Variants in IFNG-AS1 observed in about 807,000 individuals in gnomAD.
IFNG-AS1 encodes the protein IFNG antisense RNA 1 (non-protein coding).
chr12:68,006,922 C>A (rs1172572954), intron 3 of IFNG-AS1, among the ~76,000 whole-genome samples: 1 of 152,196 alleles, frequency 6.6e-6, no homozygotes, highest in Admixed American at 6.5e-5. Flanking sequence ...ACTCCTGACC[C>A]ATGGAAACTG....
chr12:68,001,114 TACAA>T lies in IFNG-AS1; in HGVS notation n.185-4972_185-4969del, dbSNP rs140347471. On this transcript the variant is annotated intron_variant and non_coding_transcript_variant, in intron 2 of 5. Coordinates refer to ENST00000536914, the Ensembl canonical transcript of IFNG-AS1. ...ACACACATATATACTTGCACATACA[TACAA>T]ACACACATATAATGTATACATATGT... Among the ~76,000 whole-genome samples the T allele has an allele frequency of 4.7e-3, 720 of 152,278 alleles. 7 individuals are homozygous for T. The highest frequency in any genetic ancestry group is 0.017 in the African/African-American group (687 of 41,546).
At chr12:67,995,105 C>G (rs186729990) in intron 1 of IFNG-AS1, among the ~76,000 whole-genome samples, 1 of 152,218 alleles carries the variant, frequency 6.6e-6, no homozygotes, top group Non-Finnish European at 1.5e-5. Context: ...TTGGACCAGG[C>G]TTTTGAGAGA....
At chr12:68,004,930 G>A (rs1879872795) in intron 2 of IFNG-AS1, among the ~76,000 whole-genome samples, 1 of 152,136 alleles carries the variant, frequency 6.6e-6, no homozygotes, top group Non-Finnish European at 1.5e-5. Context: ...GGCACAGAAG[G>A]ATAAACATCC....
chr12:68,008,991 A>G (rs1343141664), intron 3 of IFNG-AS1, among the ~76,000 whole-genome samples: 1 of 152,216 alleles, frequency 6.6e-6, no homozygotes, highest in African/African-American at 2.4e-5. Flanking sequence ...TCACAGTTGA[A>G]AATACAACTT....
chr12:68,003,081 T>C (rs911749673), intron 2 of IFNG-AS1, among the ~76,000 whole-genome samples: 1 of 152,254 alleles, frequency 6.6e-6, no homozygotes, highest in Admixed American at 6.5e-5. Flanking sequence ...ATAATAGTAC[T>C]AGATATAATT....
chr12:68,005,402 A>G (rs1378150210), intron 2 of IFNG-AS1, among the ~76,000 whole-genome samples: 2 of 152,214 alleles, frequency 1.3e-5, no homozygotes, highest in Non-Finnish European at 2.9e-5. Flanking sequence ...ACGTGCATAC[A>G]CATGCACACA....
At chr12:67,991,725 G>A (rs1398624874) in intron 1 of IFNG-AS1, among the ~76,000 whole-genome samples, 2 of 152,188 alleles carry the variant, frequency 1.3e-5, no homozygotes, top group Non-Finnish European at 2.9e-5. Flanking sequence ...CTGCAACTAT[G>A]CCCTCACATG....
At chr12:68,012,894 T>C (rs1880066749) in intron 3 of IFNG-AS1, among the ~76,000 whole-genome samples, 1 of 152,222 alleles carries the variant, frequency 6.6e-6, no homozygotes, top group Admixed American at 6.5e-5. Context: ...CTTTCTGTGG[T>C]ATACTTCCTT....
intron 3 of IFNG-AS1, among the ~76,000 whole-genome samples, chr12:68,019,223 C>G (rs551998232): frequency 6.6e-6 from 1 of 152,182 alleles, no homozygotes; most frequent in Non-Finnish European, 1.5e-5. Flanking sequence ...TAGTTCCGTG[C>G]TCATTAAAGT....
chr12:68,007,508 G>T (rs896811898), intron 3 of IFNG-AS1, among the ~76,000 whole-genome samples: 1 of 152,160 alleles, frequency 6.6e-6, no homozygotes, highest in Non-Finnish European at 1.5e-5. Flanking sequence ...ATGAAATGAT[G>T]CAAGAAATAC....
intron 2 of IFNG-AS1, among the ~76,000 whole-genome samples, chr12:67,999,752 TG>T (rs1879724828): frequency 6.6e-6 from 1 of 151,972 alleles, no homozygotes; most frequent in Admixed American, 6.6e-5. Flanking sequence ...TGGCGATGAG[TG>T]GGGCAATATA....
At position 68,000,470 on chromosome 12, in the gene IFNG-AS1, C is replaced by T. The variant is rs2120432587; in HGVS notation, n.184+4397C>T. On this transcript the variant is annotated intron_variant and non_coding_transcript_variant, in intron 2 of 5. Transcript: ENST00000536914. ...ATAGCTTGAGGCCAGGAGTTCAAGA[C>T]CAGCCTGGACAACATAGTGAGACCC... Among the ~76,000 whole-genome samples, 2 of 152,082 alleles carry T rather than the reference C, an allele frequency of 1.3e-5. 1 individual carries two copies. The highest frequency in any genetic ancestry group is 2.9e-5 in the Non-Finnish European group (2 of 67,982).
At chr12:67,994,722 G>C (rs180946378) in intron 1 of IFNG-AS1, among the ~76,000 whole-genome samples, 3 of 152,128 alleles carry the variant, frequency 2.0e-5, no homozygotes, top group African/African-American at 7.2e-5. Flanking sequence ...ATAGATGTAC[G>C]TGAAGCACAC....
chr12:68,003,905 C>CAA (rs60693550), intron 2 of IFNG-AS1, among the ~76,000 whole-genome samples: 2 of 97,810 alleles, frequency 2.0e-5, no homozygotes, highest in Admixed American at 9.8e-5. Flanking sequence ...ACTCCGTCTC[C>CAA]AAAAAAAAAA....
intron 3 of IFNG-AS1, among the ~76,000 whole-genome samples, chr12:68,008,688 A>G (rs1879961134): frequency 6.6e-6 from 1 of 152,178 alleles, no homozygotes. Flanking sequence ...GCTCTCCCAT[A>G]TGCTAGGGTT....
intron 2 of IFNG-AS1, among the ~76,000 whole-genome samples, chr12:68,003,419 TC>T (rs150082058): frequency 0.017 from 2,401 of 137,230 alleles, 97 homozygotes; most frequent in East Asian, 0.14. Context: ...CTAATCATAT[TC>T]CCCCCTTTTT....
chr12:68,017,772 G>A (rs559910986), intron 3 of IFNG-AS1, among the ~76,000 whole-genome samples: 3 of 152,208 alleles, frequency 2.0e-5, no homozygotes, highest in Admixed American at 1.3e-4. Flanking sequence ...ACATTTAATG[G>A]CTAGTCATTA....
At chr12:67,991,841 G>C (rs2120407645) in intron 1 of IFNG-AS1, among the ~76,000 whole-genome samples, 1 of 152,268 alleles carries the variant, frequency 6.6e-6, no homozygotes, top group Admixed American at 6.5e-5. Context: ...CTGTGACCTT[G>C]AAAAGTTTGT....
intron 3 of IFNG-AS1, among the ~76,000 whole-genome samples, chr12:68,011,674 C>G (rs57172552): frequency 0.059 from 8,982 of 152,164 alleles, 342 homozygotes; most frequent in African/African-American, 0.1. Context: ...CTGGTGTCAA[C>G]AGAACCATCA....
Sources: allele counts gnomAD v4.1 joint callset (sites outside exome capture counted in the v4.1 genomes callset), GRCh38; gene constraint gnomAD v4.1.1; transcripts MANE v1.5; gene names NCBI Gene and HGNC (gene_info 2026-07-23, HGNC 2026-07-21).